Variants in BRD3 observed in about 807,000 individuals in gnomAD.
BRD3 encodes bromodomain-containing protein 3.
In BRD3, 17 loss-of-function variants were observed where a neutral mutation model predicts 66.8. The ratio of observed to expected loss-of-function variants is 0.25; its 90% confidence interval spans 0.17 to 0.38. BRD3 has a LOEUF of 0.38. Ranked by LOEUF, BRD3 falls within the 10% of genes least tolerant of loss-of-function variation. The pLI is 1.00. For synonymous variants in BRD3, 421 were observed against 393.2 expected (o/e 1.07, Z -0.84); for missense variants, 713 against 956.1 (o/e 0.75, Z 3.35).
chr9:134,040,225 T>C lies in BRD3; in HGVS notation c.1452A>G (p.Pro484=). The C allele has an allele frequency of 6.3e-7, 1 of 1,593,106 alleles. No individual in the cohort carries two copies. The highest frequency in any genetic ancestry group is 8.5e-7 in the Non-Finnish European group (1 of 1,170,278). ...HEQLAALSQA[P]VNKPKKKKEK... Reference sequence around the variant, plus strand: ...CCTTCTTCTTCTTTGGTTTGTTTACTGGGGCCTGAGACAGGGCGGCCAGCT... The same window carrying C: ...CCTTCTTCTTCTTTGGTTTGTTTACCGGGGCCTGAGACAGGGCGGCCAGCT... Residue 484 remains proline, a synonymous_variant, in exon 9 of 12, where the codon CCA becomes CCG. Coordinates refer to ENST00000303407, the MANE Select transcript of BRD3 (RefSeq NM_007371.4).
At position 134,045,221 on chromosome 9, in the gene BRD3, T is replaced by TAC; in HGVS notation, c.1215+70_1215+71dup. ...TCGGCTGGACATTCACCTGGGCGCT[T>TAC]ACCCCACACTGAGGCCAGGATGCCC... On this transcript the variant is annotated intron_variant, in intron 7 of 11. Transcript: ENST00000303407. This position sits in a 1 kb window ranked among gnomAD's most constrained non-coding sequence, Gnocchi z 4.8. 6.3e-7 allele frequency: 1 copy of TAC among 1,583,380 alleles called. No individual in the cohort carries two copies. Among genetic ancestry groups the TAC allele is most frequent in the African/African-American group, 1.3e-5 (1 of 74,418 alleles).
In BRD3 at chr9:134,031,011, G is replaced by T. The variant is rs897616362; in HGVS notation, c.*2579C>A. ...CGGACGTGACTGTCACCCTCAGCCC[G>T]CCAGCAAGGGCGCTGAGGAAGTCAT... On this transcript the variant is annotated 3_prime_UTR_variant, in exon 12 of 12. Transcript: ENST00000303407. 1 of 230,372 alleles carries T rather than the reference G, an allele frequency of 4.3e-6. No homozygotes were observed. The highest frequency in any genetic ancestry group is 8.6e-6 in the Non-Finnish European group (1 of 116,362). 14.3% of individuals were successfully genotyped at this position (230,372 alleles called of 1,614,324 possible).
At chr9:134,047,856 A>C in intron 6 of BRD3, 1 of 529,598 alleles carries the variant, frequency 1.9e-6, no homozygotes, top group Non-Finnish European at 3.2e-6. Flanking sequence ...CGATGGGAAT[A>C]AACAACAACA....
rs1254786794 is a variant in BRD3, at chr9:134,032,423, G to A, written c.*1167C>T. The A allele has an allele frequency of 2.5e-5, 4 of 162,964 alleles. No homozygotes were observed. Among genetic ancestry groups the A allele is most frequent in the Admixed American group, 1.8e-4 (2 of 11,000 alleles). The allele number at this position is 162,964 out of a possible 1,614,324, so 10.1% of individuals were successfully genotyped here. A position where few individuals can be genotyped will look rare whatever the true frequency, so the allele number is the denominator to read the frequency against. ...AGCTGAAAGCTGTCTATACCTGTAA[G>A]CCTCCAAGTTTCATACAAAAAAAAA... On this transcript the variant is annotated 3_prime_UTR_variant, in exon 12 of 12. Coordinates refer to ENST00000303407, the MANE Select transcript of BRD3 (RefSeq NM_007371.4).
rs1830140751 is a variant in BRD3 at position 134,045,176 on chromosome 9, G to A, written c.1215+117C>T. On this transcript the variant is annotated intron_variant, in intron 7 of 11. Coordinates refer to ENST00000303407, the MANE Select transcript of BRD3 (RefSeq NM_007371.4). This position sits in a 1 kb window ranked among gnomAD's most constrained non-coding sequence, Gnocchi z 4.8. ...CTCGGGAAAAAGGTGTTGAGGGAATGAGGCTCTCTAAGGCCTTCCTCGGCT... is the reference window on the plus strand; with the variant it reads ...CTCGGGAAAAAGGTGTTGAGGGAATAAGGCTCTCTAAGGCCTTCCTCGGCT... The A allele has an allele frequency of 1.4e-6, 2 of 1,390,866 alleles. No individual in the cohort carries two copies. Among genetic ancestry groups the A allele is most frequent in the Non-Finnish European group, 9.7e-7 (1 of 1,030,578 alleles). The allele number at this position is 1,390,866 out of a possible 1,614,324, so 86.2% of individuals were successfully genotyped here. A position where few individuals can be genotyped will look rare whatever the true frequency, so the allele number is the denominator to read the frequency against.
intron 1 of BRD3, among the ~76,000 whole-genome samples, chr9:134,061,027 G>GA (rs1277922566): frequency 1.3e-5 from 2 of 152,264 alleles, no homozygotes; most frequent in African/African-American, 4.8e-5. Flanking sequence ...GAGGGAATGG[G>GA]AATCTGTCCA....
intron 11 of BRD3, 41 bp downstream of exon 11, chr9:134,034,660 A>G: frequency 6.3e-7 from 1 of 1,597,180 alleles, no homozygotes; most frequent in Non-Finnish European, 8.5e-7. Flanking sequence ...GACACCCCCC[A>G]CCCCCCTAAA....
intron 2 of BRD3, among the ~76,000 whole-genome samples, chr9:134,052,813 T>C (rs1830332928): frequency 6.6e-6 from 1 of 152,222 alleles, no homozygotes; most frequent in Admixed American, 6.5e-5. Flanking sequence ...TCCTCTGCAA[T>C]GCTCAGGGTT....
At chr9:134,064,454 T>C (rs1380514436) in intron 1 of BRD3, among the ~76,000 whole-genome samples, 1 of 151,802 alleles carries the variant, frequency 6.6e-6, no homozygotes, top group Non-Finnish European at 1.5e-5. Flanking sequence ...CCAGGGAGAA[T>C]TGCTTGAACC....
chr9:134,034,441 G>A (rs1843566388), intron 11 of BRD3: 1 of 471,782 alleles, frequency 2.1e-6, no homozygotes, highest in Non-Finnish European at 3.8e-6. Flanking sequence ...TCTCCTGGGG[G>A]GTCCTCTGTC....
intron 7 of BRD3, among the ~76,000 whole-genome samples, chr9:134,044,949 T>G (rs1047405382): frequency 4.6e-5 from 7 of 152,206 alleles, no homozygotes; most frequent in African/African-American, 1.7e-4. Flanking sequence ...CACAGAAGAC[T>G]TGCTGGAAAC....
intron 9 of BRD3, chr9:134,036,590 C>G (rs755457801): frequency 1.2e-6 from 2 of 1,608,004 alleles, no homozygotes; most frequent in Non-Finnish European, 1.7e-6. Context: ...AAGAAATGAT[C>G]TCTGTATTCA....
chr9:134,034,058 G>A (rs1434132125), intron 11 of BRD3, among the ~76,000 whole-genome samples: 2 of 152,158 alleles, frequency 1.3e-5, no homozygotes, highest in Non-Finnish European at 2.9e-5. Flanking sequence ...AGTGACTACA[G>A]GAGACAGACC....
Position 134,032,897 on chromosome 9 carries a change from G to A in BRD3, c.*693C>T, listed in dbSNP as rs77878473. 2,778 of 342,104 alleles carry A rather than the reference G, an allele frequency of 8.1e-3. 79 individuals are homozygous for A. Among genetic ancestry groups the A allele is most frequent in the African/African-American group, 0.056 (2,480 of 44,612 alleles). The allele number at this position is 342,104 out of a possible 1,614,324, so 21.2% of individuals were successfully genotyped here. On this transcript the variant is annotated 3_prime_UTR_variant, in exon 12 of 12. Transcript: ENST00000303407. ...TTTTTTTTTTAAAGTTGAGGTAAAA[G>A]CTTCAGTGTATGGAAACCTGCAGGC... is the stretch of plus-strand genomic sequence containing the variant.
intron 1 of BRD3, among the ~76,000 whole-genome samples, chr9:134,064,246 G>A (rs776489294): frequency 1.3e-5 from 2 of 152,172 alleles, no homozygotes; most frequent in Non-Finnish European, 2.9e-5. Context: ...AAGAGCTCTC[G>A]GTCAGGCATG....
chr9:134,051,877 GTTGTTTTTT>G (rs1554829367), intron 3 of BRD3, among the ~76,000 whole-genome samples, 168 bp from the exon 4 acceptor site: 1,189 of 92,712 alleles, frequency 0.013, 7 homozygotes, highest in Non-Finnish European at 0.017. Flanking sequence ...GTGTGTGTGT[GTTGTTTTTT>G]TTGTTTTTTT....
In BRD3 at chr9:134,032,794, G is replaced by A. The variant is rs200923641; in HGVS notation, c.*796C>T. ...GCTAGCCAGGCGGGGACTCACAGCG[G>A]GCTGGACTTCCGTAGAAAATTGCCG... is the stretch of plus-strand genomic sequence containing the variant. On this transcript the variant is annotated 3_prime_UTR_variant, in exon 12 of 12. Transcript: ENST00000303407. The A allele has an allele frequency of 1.2e-5, 3 of 251,892 alleles. No individual in the cohort carries two copies. The highest frequency in any genetic ancestry group is 2.3e-5 in the Non-Finnish European group (3 of 131,928). The allele number at this position is 251,892 out of a possible 1,614,324, so 15.6% of individuals were successfully genotyped here. A position where few individuals can be genotyped will look rare whatever the true frequency, so the allele number is the denominator to read the frequency against.
intron 1 of BRD3, among the ~76,000 whole-genome samples, chr9:134,064,849 T>C (rs1830615203): frequency 6.6e-6 from 1 of 152,166 alleles, no homozygotes; most frequent in Admixed American, 6.5e-5. Flanking sequence ...GAAAACCCTA[T>C]GCTCCGCCAC....
intron 1 of BRD3, among the ~76,000 whole-genome samples, chr9:134,061,741 G>A (rs529147711): frequency 3.3e-4 from 51 of 152,318 alleles, no homozygotes; most frequent in African/African-American, 1.1e-3. Flanking sequence ...GCACAACGTC[G>A]CCCAGGCAGA....
Sources: allele counts gnomAD v4.1 joint callset (sites outside exome capture counted in the v4.1 genomes callset), GRCh38; gene constraint gnomAD v4.1.1; non-coding constraint Gnocchi (gnomAD v3.1); transcripts MANE v1.5; gene names NCBI Gene and HGNC (gene_info 2026-07-23, HGNC 2026-07-21).